The following DAB1 variants were observed in gnomAD, a reference collection of about 807,000 sequenced individuals.
DAB1 encodes the protein disabled homolog 1.
In DAB1, 15 loss-of-function variants were observed where a neutral mutation model predicts 64.6. That is an observed-to-expected ratio of 0.23 (90% confidence interval 0.16 to 0.36). The LOEUF (loss-of-function observed/expected upper bound fraction) is 0.36, where lower values mean the gene tolerates loss of function less well. DAB1 is among the 10% of genes least tolerant of loss of function. The pLI is 1.00. For synonymous variants in DAB1, 235 were observed against 251.9 expected, an observed-to-expected ratio of 0.93 and a Z score of 0.64; for missense variants, 596 against 706.7, an observed-to-expected ratio of 0.84 and a Z score of 1.78.
At chr1:57,715,211 T>C (rs555226217) in intron 6 of DAB1, among the ~76,000 whole-genome samples, 4 of 152,342 alleles carry the variant, frequency 2.6e-5, no homozygotes, top group Admixed American at 2.6e-4. Flanking sequence ...TGAAAAAGCA[T>C]TTGGTAGAAT....
intron 11 of DAB1, among the ~76,000 whole-genome samples, chr1:57,017,721 C>T (rs1646480193): frequency 6.6e-6 from 1 of 152,226 alleles, no homozygotes; most frequent in African/African-American, 2.4e-5. Context: ...CTTTGTCCAA[C>T]TGCACTGAAA....
rs547894180 is a variant in DAB1, at chr1:57,345,257, C to T, written c.-136-54091G>A. Among the ~76,000 whole-genome samples, 43 of 152,266 alleles carry T rather than the reference C, an allele frequency of 2.8e-4. 1 individual carries two copies. The highest frequency in any genetic ancestry group is 2.1e-4 in the South Asian group (1 of 4,832). On this transcript the variant is annotated intron_variant, in intron 1 of 14. Transcript: ENST00000371236. ...CTTTCCTACAGGCCAGGTGAGCCTGCGCTGATTGTGTGCTCTCCTGGCACA... is the reference window on the plus strand; with the variant it reads ...CTTTCCTACAGGCCAGGTGAGCCTGTGCTGATTGTGTGCTCTCCTGGCACA...
intron 7 of DAB1, among the ~76,000 whole-genome samples, chr1:57,496,560 G>A (rs1167251062): frequency 6.6e-6 from 1 of 152,108 alleles, no homozygotes; most frequent in Non-Finnish European, 1.5e-5. Flanking sequence ...CTGACAGGAG[G>A]CTCTCCTATT....
chr1:57,824,059 A>C (rs941056836), downstream of DAB1, among the ~76,000 whole-genome samples: 1 of 152,228 alleles, frequency 6.6e-6, no homozygotes, highest in African/African-American at 2.4e-5. Context: ...CCACTTGCTA[A>C]GTTGCCAGTA....
At chr1:57,003,371 CACACCAGG>C (rs778406490) in intron 14 of DAB1, among the ~76,000 whole-genome samples, 1 of 152,162 alleles carries the variant, frequency 6.6e-6, no homozygotes, top group Non-Finnish European at 1.5e-5. Context: ...ACTTGAGCTA[CACACCAGG>C]ACTGTGCCTT....
chr1:57,957,991 C>CT lies in DAB1; in HGVS notation n.388-73830dup, dbSNP rs771384893. Among the ~76,000 whole-genome samples the CT allele has an allele frequency of 4.1e-3, 592 of 144,482 alleles. 7 individuals are homozygous for CT. The highest frequency in any genetic ancestry group is 0.012 in the African/African-American group (490 of 39,636). The allele number at this position is 144,482 out of a possible 152,430, so 94.8% of individuals were successfully genotyped here. A position where few individuals can be genotyped will look rare whatever the true frequency, so the allele number is the denominator to read the frequency against. On this transcript the variant is annotated intron_variant and non_coding_transcript_variant, in intron 5 of 20. Transcript: ENST00000485760. Reference sequence around the variant, plus strand: ...GAAATTCTTGTTCCAGGATGATGTGCTTTTTTTTTTTTAGGCGGAGTCTAA... The same window carrying CT: ...GAAATTCTTGTTCCAGGATGATGTGCTTTTTTTTTTTTTAGGCGGAGTCTAA...
intron 1 of DAB1, among the ~76,000 whole-genome samples, chr1:57,326,650 G>A (rs888857714): frequency 1.3e-5 from 2 of 152,230 alleles, no homozygotes; most frequent in Non-Finnish European, 2.9e-5. Flanking sequence ...CAAGGCACCA[G>A]CAGATTTAGT....
At chr1:57,070,916 C>T (rs931199926) in intron 7 of DAB1, 107 bp downstream of exon 7, 3 of 988,900 alleles carry the variant, frequency 3.0e-6, no homozygotes, top group Non-Finnish European at 4.9e-6. Context: ...ATCTTGGTCT[C>T]TCTCCAGGTT....
At chr1:57,034,375 A>T (rs1298880559) in intron 9 of DAB1, among the ~76,000 whole-genome samples, 1 of 151,762 alleles carries the variant, frequency 6.6e-6, no homozygotes, top group Non-Finnish European at 1.5e-5. Context: ...CTCCATGAAG[A>T]GTTTCTCTAT....
rs1398519060 is a variant in DAB1, at chr1:57,291,006, C to T, written c.25G>A (p.Val9Ile). The change falls in exon 2 of 15, where the codon GTA becomes ATA. Residue 9 changes from valine to isoleucine, a missense_variant. By Grantham distance (29) the Val-to-Ile change is conservative. This residue lies in a region of DAB1 where 43 missense variants were observed against 39.6 expected (regional missense o/e 1.09). Coordinates refer to ENST00000371236, the MANE Select transcript of DAB1 (RefSeq NM_001365792.1). MSTETELQVAVKTSAKKDS... is the reference protein window; with the variant it reads MSTETELQIAVKTSAKKDS... ...TTCTTGGCGCTGGTTTTCACAGCTA[C>T]TTGAAGTTCTGTCTCAGTTGACATC... 2 of 1,612,226 alleles carry T rather than the reference C, an allele frequency of 1.2e-6. No individual in the cohort carries two copies. Among genetic ancestry groups the T allele is most frequent in the African/African-American group, 1.3e-5 (1 of 74,940 alleles).
intron 5 of DAB1, among the ~76,000 whole-genome samples, chr1:57,890,923 T>C (rs1397029702): frequency 1.3e-5 from 2 of 152,210 alleles, no homozygotes; most frequent in Non-Finnish European, 2.9e-5. Context: ...CATCACATTA[T>C]ATTAATCTGT....
Position 58,090,972 on chromosome 1 carries a change from A to AC in DAB1, n.387+59538dup, listed in dbSNP as rs1650624059. On this transcript the variant is annotated intron_variant and non_coding_transcript_variant, in intron 5 of 20. Transcript: ENST00000485760. ...GGTTCAGTGCTACACACATTTATTA[A>AC]CCCCCTGCTTCTCCCAAAAGTGCTC... Among the ~76,000 whole-genome samples, 4 of 151,926 alleles carry AC rather than the reference A, an allele frequency of 2.6e-5. No individual in the cohort carries two copies. The Middle Eastern group carries it at 0.01, about 388-fold the overall frequency.
intron 7 of DAB1, among the ~76,000 whole-genome samples, chr1:57,586,688 T>C (rs891740930): frequency 9.9e-5 from 15 of 152,026 alleles, no homozygotes; most frequent in African/African-American, 3.6e-4. Flanking sequence ...TGAAACTGAA[T>C]CATTCTTCCA....
chr1:57,562,634 A>G lies in DAB1; in HGVS notation n.625+86958T>C, dbSNP rs950606346. Among the ~76,000 whole-genome samples the G allele has an allele frequency of 3.4e-4, 51 of 152,220 alleles. 2 individuals are homozygous for G. The highest frequency in any genetic ancestry group is 1.0e-3 in the South Asian group (5 of 4,836). Reference sequence around the variant, plus strand: ...TCCCACAGCCAGGATTCATGCGTCCAGGAATCAAAGGATGGAAGTGGAAGT... The same window carrying G: ...TCCCACAGCCAGGATTCATGCGTCCGGGAATCAAAGGATGGAAGTGGAAGT... On this transcript the variant is annotated intron_variant and non_coding_transcript_variant, in intron 7 of 20. Coordinates refer to the DAB1 transcript ENST00000485760.
At chr1:58,534,318 A>C (rs1448923830) in intron 1 of DAB1, 4 of 853,558 alleles carry the variant, frequency 4.7e-6, no homozygotes, top group Admixed American at 3.8e-5. Context: ...ATCATTTTTA[A>C]ATTCTTCCAT....
intron 5 of DAB1, among the ~76,000 whole-genome samples, chr1:57,954,571 G>A (rs746443925): frequency 2.6e-5 from 4 of 152,190 alleles, no homozygotes; most frequent in Non-Finnish European, 5.9e-5. Flanking sequence ...GTTGATTTGA[G>A]TCTGAATACC....
intron 5 of DAB1, among the ~76,000 whole-genome samples, chr1:58,025,655 A>ATATATATATATATATGTG (rs1646882024): frequency 1.4e-5 from 1 of 73,040 alleles, no homozygotes; most frequent in African/African-American, 4.2e-5. Context: ...ATGTGTGTAT[A>ATATATATATATATATGTG]TATATATATA....
At chr1:58,107,872 C>T (rs903586720) in intron 5 of DAB1, among the ~76,000 whole-genome samples, 6 of 152,164 alleles carry the variant, frequency 3.9e-5, no homozygotes, top group African/African-American at 1.2e-4. Flanking sequence ...CCACCTTGGC[C>T]TCTCAAAGTG....
At chr1:58,006,531 G>A (rs866125581) in intron 5 of DAB1, among the ~76,000 whole-genome samples, 22 of 152,128 alleles carry the variant, frequency 1.4e-4, no homozygotes, top group African/African-American at 5.1e-4. Flanking sequence ...AAGTGGCTAA[G>A]GCAAGGCATG....
Sources: allele counts gnomAD v4.1 joint callset (sites outside exome capture counted in the v4.1 genomes callset), GRCh38; gene constraint gnomAD v4.1.1; regional missense constraint gnomAD v4.1.1; transcripts MANE v1.5; gene names NCBI Gene and HGNC (gene_info 2026-07-23, HGNC 2026-07-21).